TRA2A: variants seen among roughly 807,000 people sequenced by gnomAD.
The protein encoded by TRA2A is transformer-2 protein homolog alpha.
A neutral mutation model predicts 45.7 loss-of-function variants in TRA2A; 31 were observed. The observed-to-expected ratio is 0.68, with a 90% confidence interval of 0.51 to 0.92. TRA2A has a LOEUF of 0.92. Among genes scored for constraint, TRA2A ranks in the 40% least tolerant of loss-of-function variants. The pLI, the probability that TRA2A is intolerant of heterozygous loss-of-function variation, is 0.00. For synonymous variants in TRA2A, 132 were observed against 126.2 expected (o/e 1.05, Z -0.31); for missense variants, 304 against 367.5 (o/e 0.83, Z 1.41).
chr7:23,525,746 C>T (rs1407904237), intron 1 of TRA2A, among the ~76,000 whole-genome samples: 3 of 152,116 alleles, frequency 2.0e-5, no homozygotes, highest in East Asian at 1.9e-4. Flanking sequence ...CACCCGCCAT[C>T]GCACCTGGCT....
chr7:23,515,815 G>C (rs1789841475), intron 3 of TRA2A, among the ~76,000 whole-genome samples: 1 of 151,468 alleles, frequency 6.6e-6, no homozygotes, highest in African/African-American at 2.4e-5. Flanking sequence ...CAAAGTGCTG[G>C]GATTACAGGT....
Position 23,505,230 on chromosome 7 carries a change from TAA to T in TRA2A, c.*327_*328del, listed in dbSNP as rs549724330. On this transcript the variant is annotated 3_prime_UTR_variant, in exon 8 of 8. Coordinates refer to ENST00000297071, the MANE Select transcript of TRA2A (RefSeq NM_013293.5). ...ACAGTATCTAACACAAAAGAAGCTT[TAA>T]AAAGACAGTTTCTTTCCTTATTTGA... 220 of 267,126 alleles carry T rather than the reference TAA, an allele frequency of 8.2e-4. 1 individual carries two copies. Among genetic ancestry groups the T allele is most frequent in the African/African-American group, 4.5e-3 (205 of 45,912 alleles). The allele number at this position is 267,126 out of a possible 1,614,324, so 16.5% of individuals were successfully genotyped here.
intron 4 of TRA2A, among the ~76,000 whole-genome samples, chr7:23,511,370 C>CAAAAAAAAAAAAAA (rs567187750): frequency 3.7e-4 from 15 of 40,114 alleles, no homozygotes; most frequent in Non-Finnish European, 5.1e-4. Context: ...GACTCCATCT[C>CAAAAAAAAAAAAAA]AAAAAAAAAA....
intron 3 of TRA2A, among the ~76,000 whole-genome samples, chr7:23,515,898 G>A (rs1207155351): frequency 1.3e-5 from 2 of 151,664 alleles, no homozygotes; most frequent in African/African-American, 4.8e-5. Context: ...CTCCCGGCCA[G>A]GCATGGTAGC....
chr7:23,510,112 T>C (rs1321989575), intron 4 of TRA2A, among the ~76,000 whole-genome samples: 1 of 152,150 alleles, frequency 6.6e-6, no homozygotes, highest in Admixed American at 6.5e-5. Flanking sequence ...CCCTAAAGAC[T>C]GGAGACAGTC....
intron 1 of TRA2A, 124 bp downstream of exon 1, chr7:23,531,665 A>G (rs1790590753): frequency 9.7e-7 from 1 of 1,026,548 alleles, no homozygotes; most frequent in Non-Finnish European, 1.5e-6. Context: ...GGAGGAATCA[A>G]TCGCGATGGC....
intron 2 of TRA2A, among the ~76,000 whole-genome samples, chr7:23,520,974 T>C (rs981063034): frequency 6.6e-6 from 1 of 152,178 alleles, no homozygotes; most frequent in Non-Finnish European, 1.5e-5. Flanking sequence ...ATTACAGGTG[T>C]GAGCCACTGC....
chr7:23,506,352 G>C, intron 5 of TRA2A, 86 bp from the exon 6 acceptor site: 1 of 1,368,180 alleles, frequency 7.3e-7, no homozygotes, highest in South Asian at 1.8e-5. Flanking sequence ...TTAAAAAAGA[G>C]AAAAGTGAGG....
chr7:23,513,175 C>T (rs887324503), intron 3 of TRA2A, 93 bp from the exon 4 acceptor site: 1 of 796,862 alleles, frequency 1.3e-6, no homozygotes, highest in Non-Finnish European at 1.9e-6. Flanking sequence ...ATCTAATACA[C>T]AATAAATATA....
intron 3 of TRA2A, 58 bp from the exon 4 acceptor site, chr7:23,513,140 A>G: frequency 2.3e-6 from 3 of 1,276,632 alleles, no homozygotes; most frequent in South Asian, 1.4e-5. Flanking sequence ...AAAGAAACAC[A>G]GAAATACTTT....
At chr7:23,513,365 C>T (rs144227012) in intron 3 of TRA2A, among the ~76,000 whole-genome samples, 83 of 152,264 alleles carry the variant, frequency 5.5e-4, no homozygotes, top group African/African-American at 2.0e-3. Context: ...ATCTTGTAAT[C>T]CCAGCATTTT....
At chr7:23,514,579 C>G (rs1013191826) in intron 3 of TRA2A, among the ~76,000 whole-genome samples, 5 of 151,504 alleles carry the variant, frequency 3.3e-5, no homozygotes, top group African/African-American at 1.2e-4. Flanking sequence ...TGATTTAGAC[C>G]TCCTCTCCTC....
At chr7:23,515,317 C>A (rs1458334163) in intron 3 of TRA2A, among the ~76,000 whole-genome samples, 1 of 148,806 alleles carries the variant, frequency 6.7e-6, no homozygotes, top group Non-Finnish European at 1.5e-5. Context: ...GCAAGCTCTG[C>A]CTCCCGGGTT....
chr7:23,507,748 A>C (rs765385765), intron 4 of TRA2A, among the ~76,000 whole-genome samples: 1 of 152,220 alleles, frequency 6.6e-6, no homozygotes, highest in Non-Finnish European at 1.5e-5. Flanking sequence ...AGTAGTTAAT[A>C]AACTTTCCCA....
At chr7:23,531,281 G>T (rs1488896150) in intron 1 of TRA2A, 1 of 988,416 alleles carries the variant, frequency 1.0e-6, no homozygotes, top group Non-Finnish European at 1.2e-6. Context: ...CTGAAATAGA[G>T]AGCCAAGGAG....
intron 4 of TRA2A, among the ~76,000 whole-genome samples, chr7:23,509,919 G>C (rs372647052): frequency 6.6e-6 from 1 of 152,054 alleles, no homozygotes; most frequent in Non-Finnish European, 1.5e-5. Flanking sequence ...CCAGCTACTC[G>C]GGAGGCTAAG....
rs974509346 is a variant in TRA2A, at chr7:23,520,689, T to C, written c.170+1018A>G. 1.1e-4 allele frequency among the ~76,000 whole-genome samples: 16 copies of C among 149,352 alleles called. 1 individual carries two copies. Among genetic ancestry groups the C allele is most frequent in the Non-Finnish European group, 1.3e-4 (9 of 67,196 alleles). ...ACTGGTCAGGCTGTTTTAAATTTTT[T>C]TTTTTTTTTTTTTTTTTTAAAAAGA... On this transcript the variant is annotated intron_variant, in intron 2 of 7. Coordinates refer to ENST00000297071, the MANE Select transcript of TRA2A (RefSeq NM_013293.5).
chr7:23,505,912 A>C (rs925108233), intron 6 of TRA2A, 99 bp from the exon 7 acceptor site: 37 of 776,158 alleles, frequency 4.8e-5, no homozygotes, highest in Non-Finnish European at 7.1e-5. Flanking sequence ...AATGTACCTA[A>C]GGTGATAACT....
At chr7:23,517,002 G>T (rs975333117) in intron 2 of TRA2A, among the ~76,000 whole-genome samples, 6 of 152,224 alleles carry the variant, frequency 3.9e-5, no homozygotes, top group Non-Finnish European at 7.4e-5. Context: ...CAGCTACTTG[G>T]GAGGCTGAGG....
Sources: allele counts gnomAD v4.1 joint callset (sites outside exome capture counted in the v4.1 genomes callset), GRCh38; gene constraint gnomAD v4.1.1; transcripts MANE v1.5; gene names NCBI Gene and HGNC (gene_info 2026-07-23, HGNC 2026-07-21).